CHST3: variants seen among roughly 807,000 people sequenced by gnomAD.
CHST3 encodes carbohydrate sulfotransferase 3.
A neutral mutation model predicts 35.4 loss-of-function variants in CHST3; 20 were observed. The ratio of observed to expected loss-of-function variants is 0.57; its 90% CI spans 0.40 to 0.82. The LOEUF (loss-of-function observed/expected upper bound fraction) is 0.82, where lower values mean the gene tolerates loss of function less well. Ranked by LOEUF, CHST3 falls within the 40% of genes least tolerant of loss-of-function variation. The pLI is 0.00. For synonymous variants in CHST3, 334 were observed against 295.9 expected (o/e 1.13, Z -1.32); for missense variants, 693 against 670.1 (o/e 1.03, Z -0.38).
At chr10:71,984,578 C>A (rs924897755) in intron 1 of CHST3, among the ~76,000 whole-genome samples, 1 of 152,204 alleles carries the variant, frequency 6.6e-6, no homozygotes, top group African/African-American at 2.4e-5. Context: ...AATCAGCTTG[C>A]TCAGACACAG....
At chr10:71,987,280 G>GAA (rs4148956) in intron 1 of CHST3, among the ~76,000 whole-genome samples, 4 of 144,980 alleles carry the variant, frequency 2.8e-5, no homozygotes, top group Non-Finnish European at 6.1e-5. Context: ...GCGGGAGCAG[G>GAA]AAAAAAAAAA....
chr10:72,007,699 G>A lies in CHST3; in HGVS notation c.668G>A (p.Gly223Asp), dbSNP rs930383426. ...CTGACTCAGTTCATGTTCCGCCGGG[G>A]CTCCAGCCGCTCCCTGTGCGAGGAC... ...DHLTQFMFRRGSSRSLCEDPV... is the reference protein window; with the variant it reads ...DHLTQFMFRRDSSRSLCEDPV... Residue 223 changes from glycine (G) to aspartate (D), a missense_variant, in exon 3 of 3, where the codon GGC (glycine) becomes GAC (aspartate). Transcript: ENST00000373115. 1.9e-6 allele frequency: 3 copies of A among 1,606,466 alleles called. No individual in the cohort carries two copies. Among genetic ancestry groups the A allele is most frequent in the African/African-American group, 2.7e-5 (2 of 75,016 alleles).
chr10:71,988,172 A>C (rs1447270132), intron 1 of CHST3, among the ~76,000 whole-genome samples: 1 of 152,210 alleles, frequency 6.6e-6, no homozygotes, highest in Non-Finnish European at 1.5e-5. Context: ...TGTAATAATG[A>C]GCATGACCAA....
rs1333610622 is a variant in CHST3 at position 72,007,817 on chromosome 10, G to A, written c.786G>A (p.Glu262=). The change falls in exon 3 of 3, where the codon GAG becomes GAA. Residue 262 remains glutamate, a synonymous_variant. Coordinates refer to ENST00000373115, the MANE Select transcript of CHST3 (RefSeq NM_004273.5). ...CGPLNVTLAA[E]ACRRKEHMAL... ...CCCTCAACGTGACGCTGGCCGCAGA[G>A]GCCTGCCGCCGCAAGGAGCACATGG... 1.2e-6 allele frequency: 2 copies of A among 1,601,120 alleles called. No homozygotes were observed. The highest frequency in any genetic ancestry group is 1.1e-5 in the South Asian group (1 of 90,866).
chr10:71,988,845 A>C lies in CHST3; in HGVS notation c.-107-16891A>C, dbSNP rs115891721. 5.6e-3 allele frequency among the ~76,000 whole-genome samples: 855 copies of C among 152,192 alleles called. 6 individuals are homozygous for C. Among genetic ancestry groups the C allele is most frequent in the African/African-American group, 0.02 (818 of 41,522 alleles). On this transcript the variant is annotated intron_variant, in intron 1 of 2. Coordinates refer to ENST00000373115, the MANE Select transcript of CHST3 (RefSeq NM_004273.5). ...GCTCCAGGCTGCCAATTACCAACCT[A>C]TTAGCTTTTACTCATGAGATGAAAA...
Position 71,995,415 on chromosome 10 carries a change from C to T in CHST3, c.-107-10321C>T, listed in dbSNP as rs1839930218. Among the ~76,000 whole-genome samples the T allele has an allele frequency of 1.0e-4, 11 of 110,088 alleles. 1 individual carries two copies. In the South Asian group the frequency reaches 3.0e-3, roughly 30 times the overall value. 72.2% of individuals were successfully genotyped at this position (110,088 alleles called of 152,430 possible). On this transcript the variant is annotated intron_variant, in intron 1 of 2. Transcript: ENST00000373115. The stretch of plus-strand genomic sequence containing the variant: ...GCTCCAGCCTGGGCAGAGCGAGAGT[C>T]TGTCTCAAAAAAAAAAAAAAAAAAA...
intron 1 of CHST3, among the ~76,000 whole-genome samples, chr10:71,981,176 A>T (rs1357765393): frequency 6.6e-6 from 1 of 152,242 alleles, no homozygotes; most frequent in African/African-American, 2.4e-5. Context: ...GGTGGGTTTC[A>T]CTGGCGGTCC....
chr10:72,010,596 T>A lies in CHST3; in HGVS notation c.*2125T>A, dbSNP rs887028975. ...GAGGTCTCCACTCTTGGGTTTTTTT[T>A]ATTTTCTTTTCTTTTGCTATTTTGC... On this transcript the variant is annotated 3_prime_UTR_variant, in exon 3 of 3. Transcript: ENST00000373115. 10 of 152,336 alleles carry A rather than the reference T, an allele frequency of 6.6e-5. No homozygotes were observed. Among genetic ancestry groups the A allele is most frequent in the East Asian group, 1.9e-4 (1 of 5,190 alleles). 9.4% of individuals were successfully genotyped at this position (152,336 alleles called of 1,614,324 possible).
chr10:72,006,812 G>A (rs1313283468), intron 2 of CHST3, among the ~76,000 whole-genome samples: 2 of 152,164 alleles, frequency 1.3e-5, no homozygotes, highest in Non-Finnish European at 2.9e-5. Context: ...TCTACTGCAA[G>A]CCCCTACAGC....
chr10:71,996,432 C>T (rs1322633432), intron 1 of CHST3, among the ~76,000 whole-genome samples: 6 of 145,644 alleles, frequency 4.1e-5, no homozygotes, highest in Non-Finnish European at 1.5e-5. Flanking sequence ...CCAACCCCCC[C>T]CCAACGTATG....
intron 1 of CHST3, among the ~76,000 whole-genome samples, chr10:71,992,755 G>T (rs56070324): frequency 0.11 from 16,631 of 149,316 alleles, 893 homozygotes; most frequent in Admixed American, 0.16. Context: ...CCACCTCCCA[G>T]ATTCAAGCAA....
At chr10:71,977,290 T>C (rs1839755372) in intron 1 of CHST3, among the ~76,000 whole-genome samples, 1 of 152,204 alleles carries the variant, frequency 6.6e-6, no homozygotes, top group Non-Finnish European at 1.5e-5. Context: ...GGCTCTGGGC[T>C]AACCCTGGCC....
intron 1 of CHST3, among the ~76,000 whole-genome samples, chr10:71,993,023 G>A (rs963192855): frequency 3.9e-5 from 6 of 152,220 alleles, no homozygotes; most frequent in African/African-American, 1.4e-4. Flanking sequence ...GCTCAGGACG[G>A]CTTTGAATGT....
At chr10:71,980,443 T>C (rs1839789235) in intron 1 of CHST3, among the ~76,000 whole-genome samples, 1 of 152,140 alleles carries the variant, frequency 6.6e-6, no homozygotes, top group African/African-American at 2.4e-5. Flanking sequence ...TACACAATGC[T>C]GTTGTGTTTA....
intron 1 of CHST3, among the ~76,000 whole-genome samples, chr10:71,971,667 C>T (rs962124438): frequency 6.6e-6 from 1 of 152,200 alleles, no homozygotes; most frequent in Non-Finnish European, 1.5e-5. Flanking sequence ...ATTTTGAAAA[C>T]ACACTGGGCC....
intron 1 of CHST3, among the ~76,000 whole-genome samples, chr10:71,989,900 C>G (rs982390963): frequency 6.6e-6 from 1 of 152,236 alleles, no homozygotes; most frequent in African/African-American, 2.4e-5. Flanking sequence ...TATGTCAGCC[C>G]TCCAGAACTT....
intron 2 of CHST3, 115 bp downstream of exon 2, chr10:72,006,097 C>A: frequency 7.6e-7 from 1 of 1,318,702 alleles, no homozygotes; most frequent in Non-Finnish European, 1.1e-6. Flanking sequence ...AACGAGCCAT[C>A]CCCAGGCCCC....
Position 72,007,947 on chromosome 10 carries a change from GTGCT to G in CHST3, c.917_920del (p.Val306GlyfsTer27). On this transcript the variant is annotated frameshift_variant, in exon 3 of 3. Coordinates refer to ENST00000373115, the MANE Select transcript of CHST3 (RefSeq NM_004273.5). LOFTEE classifies it high-confidence loss of function. ...CCAGCTGGTGCGCGACCCCCGGGCCGTGCTGGCCTCGCGCATGGTGGCCTTCGCC... is the reference window on the plus strand; with the variant it reads ...CCAGCTGGTGCGCGACCCCCGGGCCGGGCCTCGCGCATGGTGGCCTTCGCC... 6.5e-7 allele frequency: 1 copy of G among 1,550,054 alleles called. No individual in the cohort carries two copies. Among genetic ancestry groups the G allele is most frequent in the Non-Finnish European group, 8.7e-7 (1 of 1,146,880 alleles).
At chr10:71,967,004 T>C (rs1416639840) in intron 1 of CHST3, among the ~76,000 whole-genome samples, 2 of 151,968 alleles carry the variant, frequency 1.3e-5, no homozygotes, top group Non-Finnish European at 2.9e-5. Context: ...ACCCAATAGG[T>C]AGTTGTTGGG....
Sources: allele counts gnomAD v4.1 joint callset (sites outside exome capture counted in the v4.1 genomes callset), GRCh38; gene constraint gnomAD v4.1.1; transcripts MANE v1.5; gene names NCBI Gene and HGNC (gene_info 2026-07-23, HGNC 2026-07-21).